Variants in BPTF observed in about 807,000 individuals in gnomAD.
BPTF encodes bromodomain PHD finger transcription factor, also known as nucleosome-remodeling factor subunit BPTF.
In BPTF, 18 loss-of-function variants were observed where a neutral mutation model predicts 292.5. The observed-to-expected ratio is 0.06, with a 90% CI of 0.04 to 0.09. The LOEUF (loss-of-function observed/expected upper bound fraction) is 0.09. BPTF is among the 10% of genes least tolerant of loss of function. The pLI, the probability that BPTF is intolerant of heterozygous loss-of-function variation, is 1.00. For synonymous variants in BPTF, 1,225 were observed against 1,251.9 expected (o/e 0.98, Z 0.45); for missense variants, 2,726 against 3,498.7 (o/e 0.78, Z 5.57).
chr17:67,834,083 C>T (rs1389414170), intron 1 of BPTF, among the ~76,000 whole-genome samples: 1 of 152,170 alleles, frequency 6.6e-6, no homozygotes, highest in African/African-American at 2.4e-5. Flanking sequence ...AGTCATCCAT[C>T]CATCACCTTC....
At chr17:67,908,210 G>C (rs564780564) in intron 9 of BPTF, among the ~76,000 whole-genome samples, 1 of 152,262 alleles carries the variant, frequency 6.6e-6, no homozygotes, top group South Asian at 2.1e-4. Context: ...CCAGGCTGGA[G>C]TGCAGTGGCA....
At chr17:67,952,346 C>T (rs1390162556) in intron 23 of BPTF, among the ~76,000 whole-genome samples, 1 of 148,810 alleles carries the variant, frequency 6.7e-6, no homozygotes, top group African/African-American at 2.5e-5. Flanking sequence ...TCACTGCAAC[C>T]TCTGCCTGCT....
At position 67,934,643 on chromosome 17, in the gene BPTF, G is replaced by A. The variant is rs11079712; in HGVS notation, c.6259+2624G>A. On this transcript the variant is annotated intron_variant, in intron 18 of 27. Coordinates refer to ENST00000306378, the MANE Select transcript of BPTF (RefSeq NM_182641.4). ...GTAATCCCAGCACATTGGGAGGCCG[G>A]CGGGTGGATCACAAGGTCAAGAGAT... Among the ~76,000 whole-genome samples the A allele has an allele frequency of 2.0e-3, 310 of 151,274 alleles. 8 individuals are homozygous for A. The East Asian group carries it at 0.048, about 23-fold the overall frequency.
At chr17:67,865,688 A>T (rs1230189831) in intron 2 of BPTF, among the ~76,000 whole-genome samples, 1 of 152,186 alleles carries the variant, frequency 6.6e-6, no homozygotes, top group African/African-American at 2.4e-5. Context: ...CAGAAATACC[A>T]TTATATGTGT....
At chr17:67,876,670 A>G (rs1335855973) in intron 4 of BPTF, among the ~76,000 whole-genome samples, 1 of 152,024 alleles carries the variant, frequency 6.6e-6, no homozygotes, top group Non-Finnish European at 1.5e-5. Context: ...GCTGGACATG[A>G]TATCATGCGC....
chr17:67,947,242 A>T lies in BPTF; in HGVS notation c.7618-484A>T, dbSNP rs151235085. Reference sequence around the variant, plus strand: ...ATTATATTTAAATGTATTATTACCCAGCTTTACTGTGTATCTATAAACTGA... The same window carrying T: ...ATTATATTTAAATGTATTATTACCCTGCTTTACTGTGTATCTATAAACTGA... On this transcript the variant is annotated intron_variant, in intron 21 of 27. Transcript: ENST00000306378. 8.0e-3 allele frequency among the ~76,000 whole-genome samples: 1,219 copies of T among 152,326 alleles called. 24 individuals carry two copies. Among genetic ancestry groups the T allele is most frequent in the African/African-American group, 0.028 (1,170 of 41,580 alleles).
intron 3 of BPTF, among the ~76,000 whole-genome samples, chr17:67,874,133 G>T (rs1165368284): frequency 6.6e-6 from 1 of 152,284 alleles, no homozygotes; most frequent in South Asian, 2.1e-4. Context: ...ATAACCCAAA[G>T]AATATAATTA....
At chr17:67,933,677 CAAG>C (rs911206014) in intron 18 of BPTF, among the ~76,000 whole-genome samples, 1 of 152,094 alleles carries the variant, frequency 6.6e-6, no homozygotes, top group Admixed American at 6.5e-5. Flanking sequence ...TATTTGAAAT[CAAG>C]GAGAAATTAA....
chr17:67,981,632 T>C (rs2148701531), intron 27 of BPTF: 1 of 1,027,354 alleles, frequency 9.7e-7, no homozygotes, highest in South Asian at 3.3e-5. Flanking sequence ...ACAATGTATT[T>C]AAAAATTGTA....
chr17:67,848,211 A>G (rs1227377806), intron 1 of BPTF, among the ~76,000 whole-genome samples: 1 of 152,028 alleles, frequency 6.6e-6, no homozygotes, highest in African/African-American at 2.4e-5. Flanking sequence ...GTAGGGGTCA[A>G]CTCTAAAAAA....
In BPTF at chr17:67,909,796, G is replaced by T. The variant is rs752664024; in HGVS notation, c.2992+35G>T. On this transcript the variant is annotated intron_variant, in intron 10 of 27. Transcript: ENST00000306378. ...GTCAGCTGTGGAGGGCAGCCTGGGGGTGATAAGAATGCACTGGATCAGGGT... is the reference window on the plus strand; with the variant it reads ...GTCAGCTGTGGAGGGCAGCCTGGGGTTGATAAGAATGCACTGGATCAGGGT... The T allele has an allele frequency of 7.5e-6, 11 of 1,467,650 alleles. No homozygotes were observed. In the South Asian group the frequency reaches 1.4e-4, roughly 19 times the overall value. The allele number at this position is 1,467,650 out of a possible 1,614,324, so 90.9% of individuals were successfully genotyped here.
At chr17:67,905,180 C>T (rs1469638380) in intron 9 of BPTF, among the ~76,000 whole-genome samples, 2 of 152,090 alleles carry the variant, frequency 1.3e-5, no homozygotes, top group Non-Finnish European at 2.9e-5. Context: ...GAGGCTGAGG[C>T]AGGTGGATTA....
chr17:67,924,624 C>T (rs529455142), intron 15 of BPTF, 35 bp downstream of exon 15: 402 of 1,599,206 alleles, frequency 2.5e-4, no homozygotes, highest in Admixed American at 4.9e-4. Flanking sequence ...GACATCAAGG[C>T]CCAAATGGAG....
intron 21 of BPTF, among the ~76,000 whole-genome samples, chr17:67,947,219 T>C (rs1324315803): frequency 6.6e-6 from 1 of 152,204 alleles, no homozygotes; most frequent in African/African-American, 2.4e-5. Context: ...TCATATATAT[T>C]ATATTTAAAT....
chr17:67,863,773 T>G (rs1410162699), intron 2 of BPTF, among the ~76,000 whole-genome samples: 2 of 152,326 alleles, frequency 1.3e-5, no homozygotes, highest in African/African-American at 4.8e-5. Context: ...TTTGGGGACA[T>G]TATTCAACTC....
At position 67,850,380 on chromosome 17, in the gene BPTF, G is replaced by T. The variant is rs865779441; in HGVS notation, c.614-3560G>T. On this transcript the variant is annotated intron_variant, in intron 1 of 27. Transcript: ENST00000306378. ...TGCCTCATGGTGTTTTTGTTTGTTT[G>T]TTTGTTTTCTGAGACAGAGTCTCGC... Among the ~76,000 whole-genome samples the T allele has an allele frequency of 7.9e-5, 12 of 152,078 alleles. No homozygotes were observed. The South Asian group carries it at 2.5e-3, about 32-fold the overall frequency.
chr17:67,971,583 A>ATCATGAGT (rs1362866044), intron 26 of BPTF, among the ~76,000 whole-genome samples: 1 of 151,884 alleles, frequency 6.6e-6, no homozygotes, highest in African/African-American at 2.4e-5. Flanking sequence ...AGGCAGGCGG[A>ATCATGAGT]TCATGAGTTC....
chr17:67,857,608 A>G, intron 2 of BPTF, among the ~76,000 whole-genome samples: 1 of 151,638 alleles, frequency 6.6e-6, no homozygotes, highest in East Asian at 1.9e-4. Flanking sequence ...CTGGGACTAC[A>G]GGTGTGTGCT....
intron 18 of BPTF, among the ~76,000 whole-genome samples, chr17:67,939,069 C>A (rs973613439): frequency 1.3e-5 from 2 of 152,138 alleles, no homozygotes; most frequent in Non-Finnish European, 2.9e-5. Flanking sequence ...ATTGGAATAA[C>A]CTTTCAAAAC....
Sources: gnomAD v4.1 joint callset for allele counts (sites outside exome capture counted in the v4.1 genomes callset) on GRCh38, gnomAD v4.1.1 for gene constraint, MANE v1.5 for transcripts, NCBI Gene and HGNC (gene_info 2026-07-23, HGNC 2026-07-21) for gene names.